The following TMEM132B variants were observed in gnomAD, a reference collection of about 807,000 sequenced individuals.
TMEM132B encodes transmembrane protein 132B.
TMEM132B carries 18 observed loss-of-function variants against 90.8 expected under a neutral mutation model. The observed-to-expected ratio is 0.20, with a 90% CI of 0.14 to 0.29. The LOEUF (loss-of-function observed/expected upper bound fraction) is 0.29. TMEM132B is among the 10% of genes least tolerant of loss of function. TMEM132B has a pLI of 1.00. For synonymous variants in TMEM132B, 504 were observed against 523.3 expected (o/e 0.96, Z 0.50); for missense variants, 1,096 against 1,326.8 (o/e 0.83, Z 2.70).
chr12:125,188,124 T>A (rs765122460), intron 1 of TMEM132B, among the ~76,000 whole-genome samples: 1 of 152,202 alleles, frequency 6.6e-6, no homozygotes, highest in Non-Finnish European at 1.5e-5. Context: ...GAGATGCCCT[T>A]AAGTGACCCA....
At chr12:125,424,743 C>T (rs1042782336) in intron 3 of TMEM132B, among the ~76,000 whole-genome samples, 1 of 152,120 alleles carries the variant, frequency 6.6e-6, no homozygotes, top group Non-Finnish European at 1.5e-5. Flanking sequence ...AGATTTTATT[C>T]AGAGACTCTT....
At chr12:125,549,280 T>G (rs2136753977) in intron 4 of TMEM132B, among the ~76,000 whole-genome samples, 1 of 152,344 alleles carries the variant, frequency 6.6e-6, no homozygotes, top group South Asian at 2.1e-4. Context: ...GGCTAATGAC[T>G]TTCAGTGAGT....
intron 1 of TMEM132B, among the ~76,000 whole-genome samples, chr12:125,322,279 T>G (rs958542936): frequency 6.6e-6 from 1 of 152,232 alleles, no homozygotes; most frequent in Non-Finnish European, 1.5e-5. Flanking sequence ...CCTGCCGCCA[T>G]GTAAGATGTG....
At chr12:125,587,195 A>AT (rs1475445711) in intron 5 of TMEM132B, 2 of 103,396 alleles carry the variant, frequency 1.9e-5, no homozygotes, top group East Asian at 5.6e-4. Context: ...AAAAAAAAAA[A>AT]CAAGTAGAGG....
At chr12:125,489,449 C>T (rs1882293800) in intron 3 of TMEM132B, among the ~76,000 whole-genome samples, 1 of 151,778 alleles carries the variant, frequency 6.6e-6, no homozygotes, top group Non-Finnish European at 1.5e-5. Context: ...CACTCTTTTG[C>T]CCAGGTTGGA....
chr12:125,328,960 T>G (rs536416029), intron 1 of TMEM132B, among the ~76,000 whole-genome samples: 1 of 152,306 alleles, frequency 6.6e-6, no homozygotes, highest in South Asian at 2.1e-4. Flanking sequence ...GGCACAGGAC[T>G]GGCTCTTAAT....
At chr12:125,326,774 C>T in intron 1 of TMEM132B, 1 of 1,273,678 alleles carries the variant, frequency 7.9e-7, no homozygotes, top group East Asian at 2.5e-5. Flanking sequence ...CCCTTTGCAG[C>T]AAACTTCTTG....
At chr12:125,483,962 C>G (rs1882130657) in intron 3 of TMEM132B, among the ~76,000 whole-genome samples, 1 of 152,158 alleles carries the variant, frequency 6.6e-6, no homozygotes, top group Middle Eastern at 3.2e-3. Flanking sequence ...CTAACATGAA[C>G]ATAATTGCTG....
rs1216528147 is a variant in TMEM132B at position 125,357,326 on chromosome 12, C to G, written c.959+6983C>G. Among the ~76,000 whole-genome samples the G allele has an allele frequency of 2.6e-5, 4 of 152,324 alleles. No individual in the cohort carries two copies. The South Asian group carries it at 8.3e-4, about 32-fold the overall frequency. ...ATGGGCTATGCCAGTGTATCCTAAA[C>G]TTGAGTAATTCATACACTGGCTTTG... On this transcript the variant is annotated intron_variant, in intron 2 of 8. Transcript: ENST00000682704.
At chr12:125,581,375 C>T (rs922594647) in intron 4 of TMEM132B, among the ~76,000 whole-genome samples, 1 of 152,200 alleles carries the variant, frequency 6.6e-6, no homozygotes, top group Non-Finnish European at 1.5e-5. Context: ...AGATAACAGA[C>T]TTCAGGTATA....
chr12:125,619,333 TTTATTTATTTATTTA>T (rs1886064650), intron 5 of TMEM132B, among the ~76,000 whole-genome samples: 1 of 80 alleles, frequency 0.013, no homozygotes, highest in African/African-American at 0.056. Context: ...TTTATTTATA[TTTATTTATTTATTTA>T]TTTATTTATT....
At chr12:125,391,036 G>T (rs1004501600) in intron 2 of TMEM132B, among the ~76,000 whole-genome samples, 2 of 97,736 alleles carry the variant, frequency 2.0e-5, no homozygotes, top group East Asian at 3.6e-4. Flanking sequence ...ATTTACTAAA[G>T]AATAGTGTGT....
chr12:125,531,372 A>G (rs1883643017), intron 4 of TMEM132B, among the ~76,000 whole-genome samples: 1 of 152,026 alleles, frequency 6.6e-6, no homozygotes, highest in Non-Finnish European at 1.5e-5. Flanking sequence ...ATTTTTTTGT[A>G]GAGACAAAGT....
intron 1 of TMEM132B, among the ~76,000 whole-genome samples, chr12:125,262,024 G>T (rs1466781801): frequency 4.6e-5 from 7 of 152,110 alleles, no homozygotes; most frequent in Non-Finnish European, 5.9e-5. Context: ...GAGTCAGAAA[G>T]AAATATAACC....
At chr12:125,439,092 G>A (rs1880787233) in intron 3 of TMEM132B, among the ~76,000 whole-genome samples, 1 of 151,736 alleles carries the variant, frequency 6.6e-6, no homozygotes. Context: ...GTCAGGTAAG[G>A]TGATGTCTAC....
chr12:125,598,152 G>A (rs1444056200), intron 5 of TMEM132B, among the ~76,000 whole-genome samples: 2 of 152,158 alleles, frequency 1.3e-5, no homozygotes, highest in East Asian at 3.9e-4. Flanking sequence ...AATGTCGATA[G>A]CACTGCATAA....
chr12:125,227,343 T>C (rs1593047951), intron 1 of TMEM132B, among the ~76,000 whole-genome samples: 1 of 152,242 alleles, frequency 6.6e-6, no homozygotes. Context: ...CACTTCATTA[T>C]CCCCATTTTA....
At chr12:125,303,561 A>G (rs1875885753) in intron 1 of TMEM132B, among the ~76,000 whole-genome samples, 1 of 152,190 alleles carries the variant, frequency 6.6e-6, no homozygotes, top group Non-Finnish European at 1.5e-5. Flanking sequence ...TCAACTGCCA[A>G]ACTGTTTCCT....
chr12:125,409,422 G>C (rs1244406328), intron 2 of TMEM132B, among the ~76,000 whole-genome samples: 1 of 152,214 alleles, frequency 6.6e-6, no homozygotes, highest in Non-Finnish European at 1.5e-5. Context: ...GGAGGCATCC[G>C]GCGGCAGTGC....
Sources: gnomAD v4.1 joint callset for allele counts (sites outside exome capture counted in the v4.1 genomes callset) on GRCh38, gnomAD v4.1.1 for gene constraint, MANE v1.5 for transcripts, NCBI Gene and HGNC (gene_info 2026-07-23, HGNC 2026-07-21) for gene names.